SAP30L: variants seen among roughly 807,000 people sequenced by gnomAD.
SAP30L encodes the protein SAP30 like, also known as histone deacetylase complex subunit SAP30L.
SAP30L carries 10 observed loss-of-function variants against 22.3 expected under a neutral mutation model. The observed-to-expected ratio is 0.45, with a 90% CI of 0.28 to 0.76. The LOEUF is 0.76. Among genes scored for constraint, SAP30L ranks in the 30% least tolerant of loss-of-function variants. The pLI, the probability that SAP30L is intolerant of heterozygous loss-of-function variation, is 0.14. For missense variants in SAP30L, 206 were observed against 237.9 expected, an observed-to-expected ratio of 0.87 and a Z score of 0.88; for synonymous variants, 91 against 94.1, an observed-to-expected ratio of 0.97 and a Z score of 0.19.
chr5:154,453,304 C>A, intron 2 of SAP30L, 98 bp from the exon 3 acceptor site: 1 of 810,652 alleles, frequency 1.2e-6, no homozygotes. Context: ...CCTCCCCATC[C>A]TCACCCCTAC....
rs1016476091 is a variant in SAP30L, at chr5:154,456,249, C to T, written c.*221C>T. 6.9e-5 allele frequency: 25 copies of T among 360,434 alleles called. No individual in the cohort carries two copies. The highest frequency in any genetic ancestry group is 1.1e-4 in the Non-Finnish European group (23 of 201,896). The allele number at this position is 360,434 out of a possible 1,614,324, so 22.3% of individuals were successfully genotyped here. On this transcript the variant is annotated 3_prime_UTR_variant, in exon 4 of 4. Transcript: ENST00000297109. ...AACTCTGGACTAAAAAAATCAGGATCATTAAAAGAATTAAAAACTATGTAT... is the reference window on the plus strand; with the variant it reads ...AACTCTGGACTAAAAAAATCAGGATTATTAAAAGAATTAAAAACTATGTAT...
Position 154,458,385 on chromosome 5 carries a change from C to G in SAP30L, c.*2357C>G, listed in dbSNP as rs974152215. On this transcript the variant is annotated 3_prime_UTR_variant, in exon 4 of 4. Transcript: ENST00000297109. ...AAACCACTAAACCACTCGCCTTAGC[C>G]TCTTCTGCAGTTTCTGGTGGCTCTA... is the stretch of plus-strand genomic sequence containing the variant. 2 of 152,258 alleles carry G rather than the reference C, an allele frequency of 1.3e-5. No individual in the cohort carries two copies. Among genetic ancestry groups the G allele is most frequent in the Non-Finnish European group, 2.9e-5 (2 of 68,074 alleles). 9.4% of individuals were successfully genotyped at this position (152,258 alleles called of 1,614,324 possible).
intron 2 of SAP30L, chr5:154,452,307 T>C (rs3340): frequency 0.2 from 41,249 of 208,702 alleles, 4,674 homozygotes; most frequent in Admixed American, 0.36. Flanking sequence ...CTTTTGCCTT[T>C]AACGTTATTG....
rs145346910 is a variant in SAP30L, at chr5:154,455,975, A to G, written c.499A>G (p.Ser167Gly). 122 of 1,613,984 alleles carry G rather than the reference A, an allele frequency of 7.6e-5. No homozygotes were observed. Among genetic ancestry groups the G allele is most frequent in the Non-Finnish European group, 9.7e-5 (115 of 1,179,950 alleles). Residue 167 changes from serine (S) to glycine (G), a missense_variant, in exon 4 of 4, where the codon AGT becomes GGT. Physicochemically the swap from Ser to Gly is moderately conservative, Grantham distance 56. Around this residue, in one of 2 missense-constraint regions of SAP30L, gnomAD observed 136 missense variants for 187.4 expected, o/e 0.73. Coordinates refer to ENST00000297109, the MANE Select transcript of SAP30L (RefSeq NM_024632.6). Reference sequence around the variant, plus strand: ...TGCCTACTTCATCTACATGGTGAAGAGTAACAAGAGTAGACTGGACCAGAA... The same window carrying G: ...TGCCTACTTCATCTACATGGTGAAGGGTAACAAGAGTAGACTGGACCAGAA... ...TLAYFIYMVK[S>G]NKSRLDQKSE...
intron 3 of SAP30L, 78 bp from the exon 4 acceptor site, chr5:154,455,822 C>T (rs544591474): frequency 8.8e-6 from 13 of 1,476,886 alleles, no homozygotes; most frequent in Admixed American, 7.2e-5. Context: ...CAACTCCATT[C>T]GCTTCTTTGT....
chr5:154,451,799 A>T (rs1757146705), intron 2 of SAP30L, among the ~76,000 whole-genome samples: 1 of 152,126 alleles, frequency 6.6e-6, no homozygotes, highest in Non-Finnish European at 1.5e-5. Flanking sequence ...TGTCCTCTGC[A>T]TTGTAGGATA....
At chr5:154,453,317 T>G in intron 2 of SAP30L, 85 bp from the exon 3 acceptor site, 1 of 883,350 alleles carries the variant, frequency 1.1e-6, no homozygotes, top group East Asian at 2.4e-5. Context: ...ACCCCTACCT[T>G]AGTGTAGTGC....
chr5:154,446,868 G>C, intron 1 of SAP30L, 63 bp downstream of exon 1: 1 of 1,450,038 alleles, frequency 6.9e-7, no homozygotes, highest in Non-Finnish European at 9.4e-7. Context: ...GCTGCCCTGG[G>C]CTCCAGTCGG....
intron 3 of SAP30L, 23 bp downstream of exon 3, chr5:154,453,523 T>C: frequency 6.8e-7 from 1 of 1,479,528 alleles, no homozygotes; most frequent in Non-Finnish European, 9.5e-7. Flanking sequence ...AATTGCCCTC[T>C]AAAGAGAGCC....
At chr5:154,451,287 T>TA in intron 2 of SAP30L, 74 bp downstream of exon 2, 1 of 1,492,554 alleles carries the variant, frequency 6.7e-7, no homozygotes, top group Non-Finnish European at 9.1e-7. Context: ...TGGCCTGGTC[T>TA]GCTTTTTGTG....
At position 154,457,534 on chromosome 5, in the gene SAP30L, T is replaced by C. The variant is rs373263607; in HGVS notation, c.*1506T>C. The stretch of plus-strand genomic sequence containing the variant: ...ACAGAGAAGTCAGGACTAAACCCCC[T>C]ACTGAGCAGGGCGGCGGAGTGTCCA... On this transcript the variant is annotated 3_prime_UTR_variant, in exon 4 of 4. Coordinates refer to ENST00000297109, the MANE Select transcript of SAP30L (RefSeq NM_024632.6). 15 of 152,158 alleles carry C rather than the reference T, an allele frequency of 9.9e-5. No individual in the cohort carries two copies. The highest frequency in any genetic ancestry group is 3.6e-4 in the African/African-American group (15 of 41,434). 9.4% of individuals were successfully genotyped at this position (152,158 alleles called of 1,614,324 possible). A position where few individuals can be genotyped will look rare whatever the true frequency, so the allele number is the denominator to read the frequency against.
Position 154,456,234 on chromosome 5 carries a change from T to TA in SAP30L, c.*213dup, listed in dbSNP as rs1365422953. ...ACTTTCTTTTACGATAACTCTGGAC[T>TA]AAAAAAATCAGGATCATTAAAAGAA... On this transcript the variant is annotated 3_prime_UTR_variant, in exon 4 of 4. Transcript: ENST00000297109. 2.5e-5 allele frequency: 10 copies of TA among 403,724 alleles called. No homozygotes were observed. Among genetic ancestry groups the TA allele is most frequent in the African/African-American group, 1.6e-4 (8 of 48,610 alleles). The allele number at this position is 403,724 out of a possible 1,614,324, so 25.0% of individuals were successfully genotyped here.
In SAP30L at chr5:154,455,893, C is replaced by G. The variant is rs777685777; in HGVS notation, c.424-7C>G. ...TTAAGGAACTTTGGTATTTTCCCCC[C>G]ACATAGACTGTGAGTCGACACTTCA... On this transcript the variant is annotated splice_region_variant and splice_polypyrimidine_tract_variant and intron_variant, in intron 3 of 3. Transcript: ENST00000297109. 7 of 1,608,612 alleles carry G rather than the reference C, an allele frequency of 4.4e-6. No homozygotes were observed. Among genetic ancestry groups the G allele is most frequent in the East Asian group, 2.2e-5 (1 of 44,810 alleles).
Position 154,451,252 on chromosome 5 carries a change from T to C in SAP30L, c.324+39T>C, listed in dbSNP as rs370871190. On this transcript the variant is annotated intron_variant, in intron 2 of 3. Coordinates refer to ENST00000297109, the MANE Select transcript of SAP30L (RefSeq NM_024632.6). Reference sequence around the variant, plus strand: ...AAACCAGTTGCGGAAGCTGGAAGAATGGATTCTAATCTGATTCTCACCTCT... The same window carrying C: ...AAACCAGTTGCGGAAGCTGGAAGAACGGATTCTAATCTGATTCTCACCTCT... The C allele has an allele frequency of 3.1e-6, 5 of 1,604,108 alleles. No homozygotes were observed. The African/African-American group carries it at 6.7e-5, about 22-fold the overall frequency.
Position 154,450,985 on chromosome 5 carries a change from A to C in SAP30L, c.202-106A>C. On this transcript the variant is annotated intron_variant, in intron 1 of 3. Transcript: ENST00000297109. ...ATGGCCTACATCTTGTCTTCCATCT[A>C]TCTCTCCAATGCCCTGCAATGGAAG... The C allele has an allele frequency of 2.5e-6, 3 of 1,182,368 alleles. No homozygotes were observed. The African/African-American group carries it at 4.6e-5, about 18-fold the overall frequency. 73.2% of individuals were successfully genotyped at this position (1,182,368 alleles called of 1,614,324 possible). A position where few individuals can be genotyped will look rare whatever the true frequency, so the allele number is the denominator to read the frequency against.
intron 2 of SAP30L, 149 bp downstream of exon 2, chr5:154,451,362 T>C: frequency 1.1e-6 from 1 of 870,594 alleles, no homozygotes; most frequent in Non-Finnish European, 1.7e-6. Context: ...TATAGTAATA[T>C]GGAATCTGAG....
intron 2 of SAP30L, chr5:154,452,382 A>AAT: frequency 1.5e-4 from 78 of 506,122 alleles, no homozygotes; most frequent in South Asian, 2.6e-4. Flanking sequence ...AAAAAAAAAA[A>AAT]GGTTTTGAGG....
intron 3 of SAP30L, among the ~76,000 whole-genome samples, chr5:154,455,050 T>C (rs1757234456): frequency 6.6e-6 from 1 of 152,088 alleles, no homozygotes. Context: ...CCCGAGTGGC[T>C]GGGATTACAG....
chr5:154,446,320 G>C lies in SAP30L; in HGVS notation c.-285G>C. On this transcript the variant is annotated 5_prime_UTR_variant, in exon 1 of 4. Coordinates refer to ENST00000297109, the MANE Select transcript of SAP30L (RefSeq NM_024632.6). Reference sequence around the variant, plus strand: ...ACCCCCGCTGCAGGGTTACGGTTCTGGGCCCCCGGCAGAAGGCTCCTCCGG... The same window carrying C: ...ACCCCCGCTGCAGGGTTACGGTTCTCGGCCCCCGGCAGAAGGCTCCTCCGG... 2.9e-6 allele frequency: 1 copy of C among 342,138 alleles called. No homozygotes were observed. The highest frequency in any genetic ancestry group is 5.3e-6 in the Non-Finnish European group (1 of 190,076). 21.2% of individuals were successfully genotyped at this position (342,138 alleles called of 1,614,324 possible). A position where few individuals can be genotyped will look rare whatever the true frequency, so the allele number is the denominator to read the frequency against.
Sources: allele counts gnomAD v4.1 joint callset (sites outside exome capture counted in the v4.1 genomes callset), GRCh38; gene constraint gnomAD v4.1.1; regional missense constraint gnomAD v4.1.1; transcripts MANE v1.5; gene names NCBI Gene and HGNC (gene_info 2026-07-23, HGNC 2026-07-21).